COL23A1: variants seen among roughly 807,000 people sequenced by gnomAD.
COL23A1 encodes collagen alpha-1(XXIII) chain.
Under a neutral mutation model 99.3 loss-of-function variants are expected in COL23A1, and 97 were observed. The ratio of observed to expected loss-of-function variants is 0.98; its 90% confidence interval spans 0.83 to 1.16. The LOEUF is 1.16. Among genes scored for constraint, COL23A1 ranks in the 50% most tolerant of loss-of-function variants. COL23A1 has a pLI of 0.00. For missense variants in COL23A1, 762 were observed against 757.4 expected, an observed-to-expected ratio of 1.01 and a Z score of -0.07; for synonymous variants, 320 against 308.2, an observed-to-expected ratio of 1.04 and a Z score of -0.40.
intron 2 of COL23A1, among the ~76,000 whole-genome samples, chr5:178,549,868 C>G (rs1451850268): frequency 6.6e-6 from 1 of 152,092 alleles, no homozygotes; most frequent in Non-Finnish European, 1.5e-5. Flanking sequence ...AACAAAATAA[C>G]AAACATGAGA....
Position 178,238,600 on chromosome 5 carries a change from C to T in COL23A1, c.*98G>A, listed in dbSNP as rs1156729442. On this transcript the variant is annotated 3_prime_UTR_variant, in exon 29 of 29. Transcript: ENST00000390654. ...TTGAATGTTAAAAGGCCACAGGTAG[C>T]GCATTCCATGAAAAAAGATCAATAT... The T allele has an allele frequency of 7.5e-6, 11 of 1,475,766 alleles. No homozygotes were observed. The highest frequency in any genetic ancestry group is 1.4e-5 in the African/African-American group (1 of 71,718). 91.4% of individuals were successfully genotyped at this position (1,475,766 alleles called of 1,614,324 possible).
chr5:178,483,754 A>G (rs1275544313), intron 2 of COL23A1, among the ~76,000 whole-genome samples: 1 of 152,188 alleles, frequency 6.6e-6, no homozygotes, highest in East Asian at 1.9e-4. Context: ...GCCCATCTCC[A>G]ATGCGGCCAT....
At chr5:178,343,544 A>T (rs1760786845) in intron 2 of COL23A1, among the ~76,000 whole-genome samples, 1 of 152,086 alleles carries the variant, frequency 6.6e-6, no homozygotes, top group Non-Finnish European at 1.5e-5. Context: ...AATGAAGAGG[A>T]AGGGGTGTGG....
intron 2 of COL23A1, among the ~76,000 whole-genome samples, chr5:178,491,665 C>G (rs1299381759): frequency 6.6e-6 from 1 of 152,014 alleles, no homozygotes; most frequent in African/African-American, 2.4e-5. Flanking sequence ...TTCCACGTCC[C>G]CTCGAAAGGT....
At chr5:178,444,778 A>AGAGT (rs1391640366) in intron 2 of COL23A1, among the ~76,000 whole-genome samples, 1 of 152,242 alleles carries the variant, frequency 6.6e-6, no homozygotes, top group Admixed American at 6.5e-5. Context: ...CCTGGGCGAC[A>AGAGT]GAGTGAGACT....
At chr5:178,357,089 T>A (rs34401308) in intron 2 of COL23A1, among the ~76,000 whole-genome samples, 19,082 of 152,298 alleles carry the variant, frequency 0.13, 1,296 homozygotes, top group Non-Finnish European at 0.14. Context: ...AAAGATGTAC[T>A]TCCCTTTACT....
At chr5:178,513,067 C>T (rs1368916543) in intron 2 of COL23A1, among the ~76,000 whole-genome samples, 2 of 152,200 alleles carry the variant, frequency 1.3e-5, no homozygotes, top group Non-Finnish European at 2.9e-5. Flanking sequence ...CTGCAGGGAA[C>T]AGCATGCATG....
At chr5:178,419,833 G>A (rs375920872) in intron 2 of COL23A1, among the ~76,000 whole-genome samples, 2 of 152,148 alleles carry the variant, frequency 1.3e-5, no homozygotes, top group Admixed American at 6.5e-5. Context: ...CTCATAGACC[G>A]CTGAGTGTTC....
intron 2 of COL23A1, among the ~76,000 whole-genome samples, chr5:178,494,734 G>A (rs949640091): frequency 2.0e-5 from 3 of 152,122 alleles, no homozygotes; most frequent in Non-Finnish European, 4.4e-5. Context: ...TCTGCTCCCC[G>A]GTACATCCCT....
At chr5:178,566,972 A>G (rs1176692347) in intron 1 of COL23A1, among the ~76,000 whole-genome samples, 2 of 152,228 alleles carry the variant, frequency 1.3e-5, no homozygotes. Flanking sequence ...GGTTGAACAG[A>G]TAAGTAAACA....
intron 2 of COL23A1, among the ~76,000 whole-genome samples, chr5:178,545,499 C>T (rs1761531823): frequency 6.6e-6 from 1 of 152,136 alleles, no homozygotes; most frequent in South Asian, 2.1e-4. Flanking sequence ...CGGGGAGGAA[C>T]AAGAGCCTTT....
At chr5:178,246,592 T>C in intron 22 of COL23A1, 139 bp from the exon 23 acceptor site, 1 of 819,750 alleles carries the variant, frequency 1.2e-6, no homozygotes, top group Non-Finnish European at 1.9e-6. Flanking sequence ...CCCAGCTTAC[T>C]CCCTGGTGAG....
At chr5:178,268,398 G>C (rs1024144119) in intron 7 of COL23A1, among the ~76,000 whole-genome samples, 2 of 152,132 alleles carry the variant, frequency 1.3e-5, no homozygotes, top group African/African-American at 4.8e-5. Flanking sequence ...TAACAGTCAT[G>C]GTTCAATCCC....
intron 2 of COL23A1, among the ~76,000 whole-genome samples, chr5:178,363,924 C>T (rs374481742): frequency 3.9e-5 from 6 of 152,218 alleles, no homozygotes; most frequent in East Asian, 1.9e-4. Flanking sequence ...ATTTGTCACA[C>T]GTGGTCAGCA....
chr5:178,333,286 C>G (rs1340035293), intron 2 of COL23A1, among the ~76,000 whole-genome samples: 1 of 152,088 alleles, frequency 6.6e-6, no homozygotes, highest in East Asian at 1.9e-4. Flanking sequence ...CCATGCAGGC[C>G]AAAAAAGCCC....
At position 178,313,233 on chromosome 5, in the gene COL23A1, C is replaced by T. The variant is rs903950485; in HGVS notation, c.362-6314G>A. Among the ~76,000 whole-genome samples the T allele has an allele frequency of 2.0e-5, 3 of 152,104 alleles. No homozygotes were observed. The highest frequency in any genetic ancestry group is 7.2e-5 in the African/African-American group (3 of 41,422). ...TGGGAAGTCGGTGGGCCCAGAGACT[C>T]CGTTTTGCAACATGAAGAGTTCTGG... On this transcript the variant is annotated intron_variant, in intron 2 of 28. Transcript: ENST00000390654. This position sits in a 1 kb window ranked among gnomAD's most constrained non-coding sequence, Gnocchi z 4.2.
rs117491306 is a variant in COL23A1, at chr5:178,380,727, G to A, written c.362-73808C>T. Among the ~76,000 whole-genome samples the A allele has an allele frequency of 8.7e-3, 1,325 of 152,266 alleles. 51 individuals carry two copies. The East Asian group carries it at 0.099, about 11-fold the overall frequency. ...CCGGGACAGAGGCAGGGAGGATCACGTCCGGGGCCAATGTCGGGACCAGCC... is the reference window on the plus strand; with the variant it reads ...CCGGGACAGAGGCAGGGAGGATCACATCCGGGGCCAATGTCGGGACCAGCC... On this transcript the variant is annotated intron_variant, in intron 2 of 28. Coordinates refer to ENST00000390654, the MANE Select transcript of COL23A1 (RefSeq NM_173465.4).
At chr5:178,343,038 T>C (rs777403752) in intron 2 of COL23A1, among the ~76,000 whole-genome samples, 17 of 152,192 alleles carry the variant, frequency 1.1e-4, no homozygotes, top group African/African-American at 4.8e-5. Context: ...CACTGAAATT[T>C]TGAGTACTGA....
chr5:178,444,800 C>A (rs1767069529), intron 2 of COL23A1, among the ~76,000 whole-genome samples: 1 of 152,032 alleles, frequency 6.6e-6, no homozygotes, highest in Non-Finnish European at 1.5e-5. Flanking sequence ...TTTGTGAAAA[C>A]AAAACAAAAC....
Sources: allele counts gnomAD v4.1 joint callset (sites outside exome capture counted in the v4.1 genomes callset), GRCh38; gene constraint gnomAD v4.1.1; non-coding constraint Gnocchi (gnomAD v3.1); transcripts MANE v1.5; gene names NCBI Gene and HGNC (gene_info 2026-07-23, HGNC 2026-07-21).